The following SLC8A1 variants were observed in gnomAD, a reference collection of about 807,000 sequenced individuals.
SLC8A1 encodes the protein sodium/calcium exchanger 1.
In SLC8A1, 18 loss-of-function variants were observed where a neutral mutation model predicts 68.3. That is an observed-to-expected ratio of 0.26 (90% CI 0.18 to 0.39). SLC8A1 has a LOEUF of 0.39. SLC8A1 is among the 10% of genes least tolerant of loss of function. The probability of loss-of-function intolerance (pLI) is 1.00; values close to 1 mark genes in which losing one functional copy is unlikely to be tolerated. For synonymous variants in SLC8A1, 475 were observed against 415.5 expected (o/e 1.14, Z -1.74); for missense variants, 985 against 1,156.7 (o/e 0.85, Z 2.15).
intron 1 of SLC8A1, among the ~76,000 whole-genome samples, chr2:40,478,988 T>G (rs546106074): frequency 1.1e-4 from 16 of 152,000 alleles, no homozygotes; most frequent in African/African-American, 3.9e-4. Flanking sequence ...GCCAGGATAG[T>G]CTCAAACTCC....
chr2:40,130,500 C>T (rs998763542), intron 7 of SLC8A1, among the ~76,000 whole-genome samples: 1 of 152,248 alleles, frequency 6.6e-6, no homozygotes. Flanking sequence ...AGGGCTGTCC[C>T]GTGCTGCCCG....
intron 2 of SLC8A1, among the ~76,000 whole-genome samples, chr2:40,393,249 C>A (rs1026594215): frequency 6.6e-6 from 1 of 152,036 alleles, no homozygotes; most frequent in Non-Finnish European, 1.5e-5. Context: ...ACACTTCAAA[C>A]CTCACAGCTC....
chr2:40,126,078 A>T (rs969191135), intron 7 of SLC8A1, among the ~76,000 whole-genome samples: 14 of 152,148 alleles, frequency 9.2e-5, no homozygotes, highest in Non-Finnish European at 5.9e-5. Context: ...TGAGGGCACG[A>T]GGTGGGATTA....
intron 1 of SLC8A1, among the ~76,000 whole-genome samples, chr2:40,485,978 C>A (rs1704943564): frequency 6.6e-6 from 1 of 152,144 alleles, no homozygotes; most frequent in Non-Finnish European, 1.5e-5. Context: ...ACTCAAATGT[C>A]ATCTTGAATT....
chr2:40,339,761 T>C lies in SLC8A1; in HGVS notation c.1808+88712A>G, dbSNP rs183465529. Among the ~76,000 whole-genome samples the C allele has an allele frequency of 5.3e-5, 8 of 152,314 alleles. No individual in the cohort carries two copies. In the East Asian group the frequency reaches 1.2e-3, roughly 22 times the overall value. ...ATGAGTTGGGCATTGTGAAATACTT[T>C]CAATTTCTAAGACGTATCTAAATAG... On this transcript the variant is annotated intron_variant, in intron 2 of 7. Coordinates refer to ENST00000406785, the Ensembl canonical transcript of SLC8A1.
At chr2:40,366,364 A>T (rs773796529) in intron 2 of SLC8A1, among the ~76,000 whole-genome samples, 2 of 152,132 alleles carry the variant, frequency 1.3e-5, no homozygotes, top group South Asian at 2.1e-4. Flanking sequence ...AGTTTTGCCA[A>T]TGTGTGATCT....
At chr2:40,463,875 CACACACACACACAT>C (rs1444588390) in intron 1 of SLC8A1, among the ~76,000 whole-genome samples, 2 of 139,492 alleles carry the variant, frequency 1.4e-5, no homozygotes, top group African/African-American at 5.8e-5. Flanking sequence ...CACACACACA[CACACACACACACAT>C]ATATATATAG....
At chr2:40,312,078 T>C (rs2073783579) in intron 2 of SLC8A1, among the ~76,000 whole-genome samples, 1 of 152,106 alleles carries the variant, frequency 6.6e-6, no homozygotes, top group Admixed American at 6.6e-5. Flanking sequence ...AAAAAATTCA[T>C]GGTTAGGATT....
intron 2 of SLC8A1, among the ~76,000 whole-genome samples, chr2:40,222,645 G>A (rs2058485568): frequency 6.6e-6 from 1 of 152,084 alleles, no homozygotes; most frequent in Non-Finnish European, 1.5e-5. Context: ...CTAATATCCA[G>A]AATCTACAAA....
chr2:40,281,806 C>G lies in SLC8A1; in HGVS notation c.1809-103951G>C, dbSNP rs570955605. On this transcript the variant is annotated intron_variant, in intron 2 of 7. Transcript: ENST00000406785. ...CAGGGGAATTTCTGTAAGCCGGAAT[C>G]AGCTAATGATGGTTAATAAAGGTAA... Among the ~76,000 whole-genome samples, 17 of 152,302 alleles carry G rather than the reference C, an allele frequency of 1.1e-4. No homozygotes were observed. The South Asian group carries it at 3.5e-3, about 32-fold the overall frequency.
intron 2 of SLC8A1, among the ~76,000 whole-genome samples, chr2:40,401,947 T>C (rs1688874202): frequency 6.6e-6 from 1 of 152,190 alleles, no homozygotes; most frequent in African/African-American, 2.4e-5. Flanking sequence ...CCATATCTAA[T>C]TTTCTAACTT....
intron 2 of SLC8A1, among the ~76,000 whole-genome samples, chr2:40,282,036 C>T (rs980209543): frequency 1.3e-5 from 2 of 152,130 alleles, no homozygotes; most frequent in Non-Finnish European, 2.9e-5. Context: ...AGCACAGCTC[C>T]CCCACACAAG....
intron 2 of SLC8A1, among the ~76,000 whole-genome samples, chr2:40,179,915 A>G (rs2049150203): frequency 6.6e-6 from 1 of 152,176 alleles, no homozygotes; most frequent in Non-Finnish European, 1.5e-5. Flanking sequence ...AGACCAAATG[A>G]TTGGTTCTGG....
intron 2 of SLC8A1, among the ~76,000 whole-genome samples, chr2:40,271,087 T>C (rs1053739388): frequency 6.6e-6 from 1 of 152,154 alleles, no homozygotes; most frequent in South Asian, 2.1e-4. Flanking sequence ...GCCAGAGTTA[T>C]CCTTAAAAAC....
intron 2 of SLC8A1, among the ~76,000 whole-genome samples, chr2:40,274,769 C>G (rs2066489601): frequency 6.6e-6 from 1 of 152,142 alleles, no homozygotes; most frequent in Admixed American, 6.5e-5. Flanking sequence ...GAACAGTAAA[C>G]ATTTCTAAAA....
chr2:40,251,114 C>T (rs1427630256), intron 2 of SLC8A1: 1 of 151,750 alleles, frequency 6.6e-6, no homozygotes, highest in East Asian at 1.9e-4. Flanking sequence ...TGGATTTCTG[C>T]AGGGGATATT....
At chr2:40,450,148 C>T (rs1465157429) in intron 1 of SLC8A1, among the ~76,000 whole-genome samples, 2 of 152,286 alleles carry the variant, frequency 1.3e-5, no homozygotes, top group East Asian at 1.9e-4. Flanking sequence ...TTCACACCCG[C>T]CTAACCTCCC....
At chr2:40,452,911 C>T (rs1702729801), upstream of SLC8A1, among the ~76,000 whole-genome samples, 1 of 152,038 alleles carries the variant, frequency 6.6e-6, no homozygotes, top group Non-Finnish European at 1.5e-5. Context: ...GAGTAAAAGC[C>T]GAGCATTAAG....
Position 40,333,904 on chromosome 2 carries a change from C to T in SLC8A1, c.1808+94569G>A, listed in dbSNP as rs116345934. On this transcript the variant is annotated intron_variant, in intron 2 of 7. Coordinates refer to ENST00000406785, the Ensembl canonical transcript of SLC8A1. Reference sequence around the variant, plus strand: ...TTTGTACTAAAAATACAAAATTAGCCGGACATGGTGGTGCACACCTGTAAT... The same window carrying T: ...TTTGTACTAAAAATACAAAATTAGCTGGACATGGTGGTGCACACCTGTAAT... Among the ~76,000 whole-genome samples the T allele has an allele frequency of 4.1e-3, 620 of 152,088 alleles. 2 individuals are homozygous for T. The highest frequency in any genetic ancestry group is 0.014 in the African/African-American group (582 of 41,498).
Sources: gnomAD v4.1 joint callset for allele counts (sites outside exome capture counted in the v4.1 genomes callset) on GRCh38, gnomAD v4.1.1 for gene constraint, MANE v1.5 for transcripts, NCBI Gene and HGNC (gene_info 2026-07-23, HGNC 2026-07-21) for gene names.